The following IRAG1 variants were observed in gnomAD, a reference collection of about 807,000 sequenced individuals.
IRAG1 encodes the protein inositol 1,4,5-triphosphate receptor associated 1.
In IRAG1, 62 loss-of-function variants were observed where a neutral mutation model predicts 106.2. The observed-to-expected ratio is 0.58, with a 90% CI of 0.48 to 0.72. The LOEUF is 0.72. Among genes scored for constraint, IRAG1 ranks in the 30% least tolerant of loss-of-function variants. IRAG1 has a pLI of 0.00. For missense variants in IRAG1, 1,064 were observed against 1,140.7 expected (o/e 0.93, Z 0.97); for synonymous variants, 462 against 443.9 (o/e 1.04, Z -0.51).
chr11:10,581,086 G>A (rs1187353271), intron 19 of IRAG1, among the ~76,000 whole-genome samples: 1 of 152,216 alleles, frequency 6.6e-6, no homozygotes, highest in Non-Finnish European at 1.5e-5. Flanking sequence ...CAAGGATAGA[G>A]CACAGTGGTG....
At chr11:10,592,424 T>A (rs1265448275) in intron 17 of IRAG1, among the ~76,000 whole-genome samples, 5 of 152,238 alleles carry the variant, frequency 3.3e-5, no homozygotes, top group Admixed American at 6.5e-5. Flanking sequence ...TCAGGTTGTT[T>A]TATTTTAGTG....
intron 3 of IRAG1, among the ~76,000 whole-genome samples, chr11:10,633,114 G>C (rs183183941): frequency 7.7e-6 from 1 of 129,572 alleles, no homozygotes; most frequent in East Asian, 2.2e-4. Flanking sequence ...TCGCACTGTC[G>C]CCCAGGCTGG....
Position 10,650,858 on chromosome 11 carries a change from C to T in IRAG1, c.225+1167G>A, listed in dbSNP as rs573629347. 9.2e-5 allele frequency among the ~76,000 whole-genome samples: 14 copies of T among 152,288 alleles called. No individual in the cohort carries two copies. In the South Asian group the frequency reaches 1.7e-3, roughly 18 times the overall value. ...TGCCAAGTTCTGCAACATCTTAATC[C>T]GATGAGCTTGGGATATGCAGATACA... On this transcript the variant is annotated intron_variant, in intron 2 of 20. Coordinates refer to ENST00000423302, the MANE Select transcript of IRAG1 (RefSeq NM_130385.4).
chr11:10,631,896 G>T, intron 4 of IRAG1, 95 bp downstream of exon 4: 2 of 974,396 alleles, frequency 2.1e-6, no homozygotes, highest in Non-Finnish European at 3.3e-6. Context: ...GGGAGGGAGC[G>T]CCTTAAAGAG....
chr11:10,660,299 C>G (rs1049842121), intron 1 of IRAG1, among the ~76,000 whole-genome samples: 13 of 152,174 alleles, frequency 8.5e-5, no homozygotes, highest in African/African-American at 2.9e-4. Flanking sequence ...AAAATAACTG[C>G]TTTTTAATTA....
At chr11:10,630,030 T>C (rs1856567566) in intron 4 of IRAG1, 2 of 291,742 alleles carry the variant, frequency 6.9e-6, no homozygotes, top group Non-Finnish European at 6.4e-6. Flanking sequence ...GCGCCCCCAG[T>C]GCATTCTTGC....
intron 1 of IRAG1, chr11:10,687,882 G>GT: frequency 9.5e-7 from 1 of 1,051,902 alleles, no homozygotes; most frequent in Non-Finnish European, 1.3e-6. Flanking sequence ...TTTTTGGGGG[G>GT]GGGTGGTATT....
intron 10 of IRAG1, among the ~76,000 whole-genome samples, chr11:10,613,263 A>T (rs1307209771): frequency 2.8e-5 from 1 of 35,798 alleles, no homozygotes; most frequent in African/African-American, 1.0e-4. Context: ...GCTTCATACA[A>T]AAAAAAAAAA....
intron 1 of IRAG1, among the ~76,000 whole-genome samples, chr11:10,667,131 T>A (rs936207518): frequency 1.1e-5 from 1 of 91,314 alleles, no homozygotes; most frequent in Admixed American, 1.3e-4. Context: ...GAACAGAAGT[T>A]TTTTTTTTCG....
At position 10,634,068 on chromosome 11, in the gene IRAG1, G is replaced by A; in HGVS notation, c.229C>T (p.Pro77Ser). ...QAAQSPAGQG[P>S]PAAGVSCSPT... ...CTGCAAGATACTCCTGCGGCAGGAG[G>A]ACCCTGCCGGTTTAGAACAAAAACA... Residue 77 changes from proline to serine, a missense_variant, in exon 3 of 21, where the codon CCT becomes TCT. Pro to Ser is a moderately conservative substitution (Grantham distance 74). Coordinates refer to ENST00000423302, the MANE Select transcript of IRAG1 (RefSeq NM_130385.4). 1 of 1,600,162 alleles carries A rather than the reference G, an allele frequency of 6.2e-7. No individual in the cohort carries two copies. The highest frequency in any genetic ancestry group is 1.1e-5 in the South Asian group (1 of 89,144).
At chr11:10,600,805 G>A in intron 15 of IRAG1, 113 bp downstream of exon 15, 2 of 1,393,732 alleles carry the variant, frequency 1.4e-6, no homozygotes, top group Non-Finnish European at 1.9e-6. Flanking sequence ...AGACAGGAGT[G>A]CTGCTCAACT....
chr11:10,576,425 A>C lies in IRAG1; in HGVS notation c.2646T>G (p.Ala882=). The change falls in exon 21 of 21, where the codon GCT becomes GCG. Residue 882 remains alanine (A), a synonymous_variant. Coordinates refer to ENST00000423302, the MANE Select transcript of IRAG1 (RefSeq NM_130385.4). ...AAGTGGATCTTCCAAGGGGCCCATC[A>C]GCCTGCTCTGCACAAGAGTTATAGG... ...YNSYNSCAEQ[A]DGPLGRSTCS... The C allele has an allele frequency of 6.2e-7, 1 of 1,614,018 alleles. No individual in the cohort carries two copies. The highest frequency in any genetic ancestry group is 8.5e-7 in the Non-Finnish European group (1 of 1,179,900).
At chr11:10,588,826 G>A (rs186500743) in intron 18 of IRAG1, among the ~76,000 whole-genome samples, 9 of 152,228 alleles carry the variant, frequency 5.9e-5, no homozygotes, top group African/African-American at 9.6e-5. Context: ...TGTCTTTCCC[G>A]CTAGACTGCA....
Position 10,576,584 on chromosome 11 carries a change from G to T in IRAG1, c.2496-9C>A. ...CCAATTCTTCAAGTTTGCTGTCAATGAAAAAAAATATGCAGAGGCTTTAGT... is the reference window on the plus strand; with the variant it reads ...CCAATTCTTCAAGTTTGCTGTCAATTAAAAAAAATATGCAGAGGCTTTAGT... On this transcript the variant is annotated splice_polypyrimidine_tract_variant and intron_variant, in intron 20 of 20. Transcript: ENST00000423302. 6.2e-7 allele frequency: 1 copy of T among 1,611,392 alleles called. No homozygotes were observed. The highest frequency in any genetic ancestry group is 1.3e-5 in the African/African-American group (1 of 74,734).
chr11:10,595,968 T>G (rs1853255619), intron 15 of IRAG1, among the ~76,000 whole-genome samples: 1 of 152,232 alleles, frequency 6.6e-6, no homozygotes, highest in Non-Finnish European at 1.5e-5. Context: ...TCTTCCTGTG[T>G]TAGTTTGCTA....
At chr11:10,627,933 T>C (rs1371469036) in intron 7 of IRAG1, 40 bp downstream of exon 7, 6 of 1,585,806 alleles carry the variant, frequency 3.8e-6, no homozygotes, top group South Asian at 2.3e-5. Flanking sequence ...GAGAGACCCA[T>C]TGGCATAGAA....
chr11:10,674,983 G>A (rs1357999272), intron 1 of IRAG1, among the ~76,000 whole-genome samples: 5 of 152,226 alleles, frequency 3.3e-5, no homozygotes, highest in Non-Finnish European at 7.3e-5. Context: ...GGCTTTGGAC[G>A]CCGTGCACTG....
chr11:10,587,638 T>A (rs1448926180), intron 18 of IRAG1, among the ~76,000 whole-genome samples: 1 of 152,134 alleles, frequency 6.6e-6, no homozygotes, highest in East Asian at 1.9e-4. Context: ...TGTGATACAT[T>A]AACATAATAA....
At chr11:10,636,164 C>CA (rs1445780104) in intron 2 of IRAG1, among the ~76,000 whole-genome samples, 2 of 152,182 alleles carry the variant, frequency 1.3e-5, no homozygotes, top group Non-Finnish European at 2.9e-5. Context: ...TTAAAAATAA[C>CA]ATTGATAAGG....
Sources: gnomAD v4.1 joint callset for allele counts (sites outside exome capture counted in the v4.1 genomes callset) on GRCh38, gnomAD v4.1.1 for gene constraint, MANE v1.5 for transcripts, NCBI Gene and HGNC (gene_info 2026-07-23, HGNC 2026-07-21) for gene names.